DAP: variants seen among roughly 807,000 people sequenced by gnomAD.
DAP encodes death associated protein, also known as death-associated protein 1.
DAP carries 8 observed loss-of-function variants against 13.8 expected under a neutral mutation model. The observed-to-expected ratio is 0.58, with a 90% confidence interval of 0.34 to 1.05. The LOEUF (loss-of-function observed/expected upper bound fraction) is 1.05, where lower values mean the gene tolerates loss of function less well. DAP is among the 50% of genes least tolerant of loss of function. The probability of loss-of-function intolerance (pLI) is 0.03; values close to 1 mark genes in which losing one functional copy is unlikely to be tolerated. For synonymous variants in DAP, 47 were observed against 47.5 expected, an observed-to-expected ratio of 0.99 and a Z score of 0.04; for missense variants, 106 against 133.2, an observed-to-expected ratio of 0.80 and a Z score of 1.01.
chr5:10,690,094 T>TCCTG (rs1177232317), intron 2 of DAP, among the ~76,000 whole-genome samples: 1 of 143,876 alleles, frequency 7.0e-6, no homozygotes, highest in Non-Finnish European at 1.5e-5. Context: ...GCAGGCGAGG[T>TCCTG]CCTTGCTTTA....
intron 2 of DAP, among the ~76,000 whole-genome samples, chr5:10,741,958 TG>T (rs1187860801): frequency 2.0e-5 from 3 of 152,336 alleles, no homozygotes; most frequent in African/African-American, 7.2e-5. Context: ...ATAGATATAT[TG>T]GGGAAGATAC....
intron 3 of DAP, chr5:10,683,152 A>G (rs1380631793): frequency 6.7e-6 from 2 of 300,610 alleles, no homozygotes; most frequent in Non-Finnish European, 6.3e-6. Context: ...GCTGTCCCCA[A>G]CACTGGCACT....
At chr5:10,734,625 C>A (rs561042843) in intron 2 of DAP, among the ~76,000 whole-genome samples, 2 of 152,136 alleles carry the variant, frequency 1.3e-5, no homozygotes, top group African/African-American at 4.8e-5. Context: ...GTTCCTAGGG[C>A]GACTCTGAGC....
At chr5:10,746,174 T>C (rs1044788148) in intron 2 of DAP, among the ~76,000 whole-genome samples, 2 of 152,188 alleles carry the variant, frequency 1.3e-5, no homozygotes, top group Admixed American at 1.3e-4. Context: ...AGTAATATCC[T>C]CCTAGACTCC....
At chr5:10,736,795 G>A (rs1739623501) in intron 2 of DAP, among the ~76,000 whole-genome samples, 1 of 152,224 alleles carries the variant, frequency 6.6e-6, no homozygotes, top group African/African-American at 2.4e-5. Context: ...ATGCTGCCAT[G>A]AAATCAGGCC....
intron 2 of DAP, among the ~76,000 whole-genome samples, chr5:10,686,946 C>T (rs1738171809): frequency 6.6e-6 from 1 of 152,226 alleles, no homozygotes; most frequent in Non-Finnish European, 1.5e-5. Context: ...GGCAGGCTGA[C>T]TCTTAGTAGG....
intron 2 of DAP, among the ~76,000 whole-genome samples, chr5:10,713,818 G>A (rs1738912265): frequency 6.6e-6 from 1 of 152,250 alleles, no homozygotes; most frequent in Non-Finnish European, 1.5e-5. Context: ...GAACATGCAA[G>A]TTCTCTAATG....
intron 2 of DAP, among the ~76,000 whole-genome samples, chr5:10,700,499 A>G (rs527960055): frequency 1.3e-5 from 2 of 152,302 alleles, no homozygotes; most frequent in Admixed American, 1.3e-4. Flanking sequence ...GGATGGGAGA[A>G]GGGAAGGAAA....
At chr5:10,688,475 A>G (rs1376784202) in intron 2 of DAP, among the ~76,000 whole-genome samples, 1 of 152,192 alleles carries the variant, frequency 6.6e-6, no homozygotes, top group Non-Finnish European at 1.5e-5. Context: ...TTTTATATGC[A>G]CTGTGAAACC....
At chr5:10,686,789 A>G (rs1319812011) in intron 2 of DAP, among the ~76,000 whole-genome samples, 9 of 152,250 alleles carry the variant, frequency 5.9e-5, no homozygotes, top group Admixed American at 5.9e-4. Flanking sequence ...GTTCTCCAGA[A>G]GATCTAGCTA....
chr5:10,745,989 C>G (rs968801817), intron 2 of DAP, among the ~76,000 whole-genome samples: 1 of 152,190 alleles, frequency 6.6e-6, no homozygotes, highest in South Asian at 2.1e-4. Flanking sequence ...AAAACTTAAC[C>G]TGAAGTGACA....
At chr5:10,685,637 G>A (rs138029379) in intron 2 of DAP, among the ~76,000 whole-genome samples, 41 of 152,328 alleles carry the variant, frequency 2.7e-4, no homozygotes, top group African/African-American at 8.7e-4. Context: ...GAATCATATA[G>A]TATCATCTTC....
intron 1 of DAP, among the ~76,000 whole-genome samples, chr5:10,756,430 C>T (rs982419953): frequency 2.7e-4 from 41 of 152,308 alleles, no homozygotes; most frequent in Middle Eastern, 3.4e-3. Flanking sequence ...GGGAGAATTA[C>T]ACTAGACTTT....
At chr5:10,738,438 G>A (rs1389886297) in intron 2 of DAP, among the ~76,000 whole-genome samples, 1 of 152,240 alleles carries the variant, frequency 6.6e-6, no homozygotes, top group Non-Finnish European at 1.5e-5. Flanking sequence ...GAGATGGGGA[G>A]TGTCGTGTAC....
chr5:10,741,172 G>A (rs1739743547), intron 2 of DAP, among the ~76,000 whole-genome samples: 2 of 145,818 alleles, frequency 1.4e-5, no homozygotes, highest in Non-Finnish European at 3.0e-5. Context: ...GCAATGTGGT[G>A]AGACCTGGTC....
At chr5:10,684,103 G>A (rs1738099991) in intron 2 of DAP, among the ~76,000 whole-genome samples, 2 of 152,154 alleles carry the variant, frequency 1.3e-5, no homozygotes, top group African/African-American at 4.8e-5. Context: ...GGATTACAGG[G>A]ATGAGCCACT....
At chr5:10,736,496 C>T (rs904043061) in intron 2 of DAP, among the ~76,000 whole-genome samples, 23 of 152,222 alleles carry the variant, frequency 1.5e-4, no homozygotes, top group Non-Finnish European at 5.9e-5. Context: ...CTGCATGGGG[C>T]TTCACACGCA....
At chr5:10,701,584 A>G (rs1738576141) in intron 2 of DAP, among the ~76,000 whole-genome samples, 1 of 142,150 alleles carries the variant, frequency 7.0e-6, no homozygotes, top group South Asian at 2.5e-4. Context: ...ATAAATAAAT[A>G]AAAAGGTTGA....
intron 2 of DAP, among the ~76,000 whole-genome samples, chr5:10,714,431 C>A (rs994676774): frequency 6.6e-6 from 1 of 152,094 alleles, no homozygotes; most frequent in Non-Finnish European, 1.5e-5. Flanking sequence ...AGTGATCAGA[C>A]CTATCAGGAG....
Sources: allele counts gnomAD v4.1 joint callset (sites outside exome capture counted in the v4.1 genomes callset), GRCh38; gene constraint gnomAD v4.1.1; transcripts MANE v1.5; gene names NCBI Gene and HGNC (gene_info 2026-07-23, HGNC 2026-07-21).